The following MRTFA variants were observed in gnomAD, a reference collection of about 807,000 sequenced individuals.
MRTFA encodes myocardin-related transcription factor A.
Under a neutral mutation model 83.5 loss-of-function variants are expected in MRTFA, and 20 were observed. The ratio of observed to expected loss-of-function variants is 0.24; its 90% CI spans 0.17 to 0.35. The LOEUF (loss-of-function observed/expected upper bound fraction) is 0.35, where lower values mean the gene tolerates loss of function less well. Among genes scored for constraint, MRTFA ranks in the 10% least tolerant of loss-of-function variants. The pLI, the probability that MRTFA is intolerant of heterozygous loss-of-function variation, is 1.00. For missense variants in MRTFA, 1,200 were observed against 1,224.7 expected (o/e 0.98, Z 0.30); for synonymous variants, 659 against 541.2 (o/e 1.22, Z -3.02).
In MRTFA at chr22:40,417,332, C is replaced by G; in HGVS notation, c.2517+9G>C. 2 of 1,609,904 alleles carry G rather than the reference C, an allele frequency of 1.2e-6. No individual in the cohort carries two copies. Among genetic ancestry groups the G allele is most frequent in the East Asian group, 4.5e-5 (2 of 44,840 alleles). On this transcript the variant is annotated intron_variant, in intron 13 of 14. Coordinates refer to ENST00000355630, the MANE Select transcript of MRTFA (RefSeq NM_020831.6). Reference sequence around the variant, plus strand: ...CCAACACTAGCCAGGCCTAGCCCGCCTTCCTCACCTGCTGTTTGGGCTGCT... The same window carrying G: ...CCAACACTAGCCAGGCCTAGCCCGCGTTCCTCACCTGCTGTTTGGGCTGCT...
intron 4 of MRTFA, among the ~76,000 whole-genome samples, chr22:40,454,205 C>G (rs1397395655): frequency 6.6e-6 from 1 of 152,194 alleles, no homozygotes; most frequent in Non-Finnish European, 1.5e-5. Context: ...GGCACAATCT[C>G]AGCTCCCAGG....
Position 40,470,231 on chromosome 22 carries a change from T to TTATATATATATA in MRTFA, c.242-6957_242-6946dup, listed in dbSNP as rs71328709. 6.7e-3 allele frequency among the ~76,000 whole-genome samples: 304 copies of TTATATATATATA among 45,400 alleles called. 2 individuals are homozygous for TTATATATATATA. The highest frequency in any genetic ancestry group is 7.8e-3 in the African/African-American group (47 of 5,994). The allele number at this position is 45,400 out of a possible 152,430, so 29.8% of individuals were successfully genotyped here. On this transcript the variant is annotated intron_variant, in intron 3 of 14. Coordinates refer to ENST00000355630, the MANE Select transcript of MRTFA (RefSeq NM_020831.6). ...ACAGCAAGACCCCATCTCCAAAATT[T>TTATATATATATA]TATATATATATATATATATATATAT...
At chr22:40,517,513 G>A (rs1402529575) in intron 3 of MRTFA, among the ~76,000 whole-genome samples, 1 of 152,170 alleles carries the variant, frequency 6.6e-6, no homozygotes, top group African/African-American at 2.4e-5. Flanking sequence ...TACAATCTTA[G>A]CCGTAAAATG....
rs182376796 is a variant in MRTFA, at chr22:40,570,571, C to G, written c.-21-18204G>C. On this transcript the variant is annotated intron_variant, in intron 2 of 14. Transcript: ENST00000355630. ...CCAGCCTAGGCGACAGAGCGAGACT[C>G]TGTCTCAAAAAAAAAAAAAAAAAAA... 9.4e-4 allele frequency among the ~76,000 whole-genome samples: 89 copies of G among 94,862 alleles called. 1 individual carries two copies. In the Middle Eastern group the frequency reaches 0.052, roughly 56 times the overall value. The allele number at this position is 94,862 out of a possible 152,430, so 62.2% of individuals were successfully genotyped here.
At chr22:40,587,074 C>T (rs2147369923) in intron 2 of MRTFA, 1 of 459,118 alleles carries the variant, frequency 2.2e-6, no homozygotes, top group Non-Finnish European at 4.4e-6. Flanking sequence ...AGGTTTGTCC[C>T]CAGGACTCTA....
At chr22:40,509,914 GAA>G (rs201950953) in intron 3 of MRTFA, among the ~76,000 whole-genome samples, 2 of 58,320 alleles carry the variant, frequency 3.4e-5, no homozygotes, top group Non-Finnish European at 6.9e-5. Context: ...GGAGGAACAA[GAA>G]AAAAAAAAAA....
chr22:40,459,239 C>CAAAAAAAAAAAAAAAAAAAA (rs59958160), intron 4 of MRTFA, among the ~76,000 whole-genome samples: 1 of 87,108 alleles, frequency 1.1e-5, no homozygotes, highest in Non-Finnish European at 2.2e-5. Context: ...AGGGGTCTGG[C>CAAAAAAAAAAAAAAAAAAAA]AAAAAAAAAA....
chr22:40,454,004 T>C (rs1427159480), intron 4 of MRTFA, among the ~76,000 whole-genome samples: 2 of 152,270 alleles, frequency 1.3e-5, no homozygotes, highest in East Asian at 3.8e-4. Context: ...GAGAATGATC[T>C]TAACAGAGTA....
chr22:40,487,369 TTGACCCTA>T (rs1428732898), intron 3 of MRTFA, among the ~76,000 whole-genome samples: 1 of 152,228 alleles, frequency 6.6e-6, no homozygotes, highest in African/African-American at 2.4e-5. Flanking sequence ...CGTATCTCAT[TTGACCCTA>T]TGAGCCAGAA....
At chr22:40,458,366 G>A (rs1392938303) in intron 4 of MRTFA, among the ~76,000 whole-genome samples, 1 of 152,200 alleles carries the variant, frequency 6.6e-6, no homozygotes, top group Non-Finnish European at 1.5e-5. Context: ...CAGTTGAGAT[G>A]CTATGATCAG....
chr22:40,498,261 A>C (rs1236208720), intron 3 of MRTFA, among the ~76,000 whole-genome samples: 1 of 86,516 alleles, frequency 1.2e-5, no homozygotes, highest in Non-Finnish European at 2.2e-5. Context: ...TCATATATAT[A>C]TATATATATA....
intron 4 of MRTFA, among the ~76,000 whole-genome samples, chr22:40,442,621 G>T (rs2053298402): frequency 7.4e-6 from 1 of 134,978 alleles, no homozygotes; most frequent in Non-Finnish European, 1.5e-5. Context: ...TATACAGATG[G>T]GGTCCCAGTC....
chr22:40,533,705 T>C, intron 3 of MRTFA: 2 of 971,082 alleles, frequency 2.1e-6, no homozygotes, highest in Non-Finnish European at 2.7e-6. Context: ...AGAAAAGCTG[T>C]CTTGAAAGCT....
At chr22:40,440,642 T>C (rs2053257867) in intron 4 of MRTFA, among the ~76,000 whole-genome samples, 1 of 152,192 alleles carries the variant, frequency 6.6e-6, no homozygotes, top group African/African-American at 2.4e-5. Context: ...GCAAGTGCTC[T>C]TGGTGCACTG....
At chr22:40,471,609 G>A (rs1253690499) in intron 3 of MRTFA, among the ~76,000 whole-genome samples, 1 of 152,174 alleles carries the variant, frequency 6.6e-6, no homozygotes, top group African/African-American at 2.4e-5. Context: ...CTGGCTGGGC[G>A]CGGTAGCTCA....
At chr22:40,512,879 T>G (rs149311387) in intron 3 of MRTFA, among the ~76,000 whole-genome samples, 20 of 152,378 alleles carry the variant, frequency 1.3e-4, no homozygotes, top group African/African-American at 4.1e-4. Flanking sequence ...AAAAGTAATT[T>G]GTAAACTTTA....
chr22:40,453,544 T>C (rs1252808870), intron 4 of MRTFA, among the ~76,000 whole-genome samples: 1 of 152,014 alleles, frequency 6.6e-6, no homozygotes, highest in East Asian at 1.9e-4. Flanking sequence ...TTTCAGTAAC[T>C]CCCAAATGGA....
intron 1 of MRTFA, among the ~76,000 whole-genome samples, chr22:40,621,207 A>C (rs1602505124): frequency 1.3e-5 from 2 of 151,932 alleles, no homozygotes; most frequent in South Asian, 2.1e-4. Context: ...AAGAAGAAGA[A>C]GACTGAAAGA....
chr22:40,508,085 C>T (rs911364450), intron 3 of MRTFA, among the ~76,000 whole-genome samples: 2 of 148,472 alleles, frequency 1.3e-5, no homozygotes, highest in Non-Finnish European at 3.0e-5. Flanking sequence ...TCTAGGGAAA[C>T]ATAAGTTTCT....
Sources: allele counts gnomAD v4.1 joint callset (sites outside exome capture counted in the v4.1 genomes callset), GRCh38; gene constraint gnomAD v4.1.1; transcripts MANE v1.5; gene names NCBI Gene and HGNC (gene_info 2026-07-23, HGNC 2026-07-21).